Variants in LAMA2 observed in about 807,000 individuals in gnomAD.
The protein encoded by LAMA2 is laminin subunit alpha-2.
LAMA2 carries 269 observed loss-of-function variants against 364.8 expected under a neutral mutation model. That is an observed-to-expected ratio of 0.74 (90% confidence interval 0.67 to 0.82). The LOEUF (loss-of-function observed/expected upper bound fraction) is 0.82, where lower values mean the gene tolerates loss of function less well. Ranked by LOEUF, LAMA2 falls within the 40% of genes least tolerant of loss-of-function variation. LAMA2 has a pLI of 0.00. For missense variants in LAMA2, 3,807 were observed against 3,873.2 expected (o/e 0.98, Z 0.45); for synonymous variants, 1,379 against 1,370.6 (o/e 1.01, Z -0.14).
intron 17 of LAMA2, among the ~76,000 whole-genome samples, chr6:129,273,883 A>G (rs1788111014): frequency 1.3e-5 from 2 of 151,880 alleles, no homozygotes; most frequent in South Asian, 4.1e-4. Flanking sequence ...TAGAGTAAGC[A>G]ATTAATAATT....
intron 42 of LAMA2, among the ~76,000 whole-genome samples, chr6:129,439,825 C>CATATATATATATATATAT (rs5879948): frequency 1.1e-3 from 137 of 123,274 alleles, no homozygotes; most frequent in East Asian, 4.0e-3. Flanking sequence ...ATCAATTGGT[C>CATATATATATATATATAT]ATATATATAT....
chr6:128,998,641 G>A (rs1784166312), intron 1 of LAMA2, among the ~76,000 whole-genome samples: 1 of 71,580 alleles, frequency 1.4e-5, no homozygotes, highest in African/African-American at 1.0e-4. Context: ...GGTGACGGAC[G>A]CACCTGGAAA....
intron 7 of LAMA2, among the ~76,000 whole-genome samples, chr6:129,150,484 T>C (rs1432695015): frequency 6.6e-6 from 1 of 152,190 alleles, no homozygotes; most frequent in East Asian, 1.9e-4. Context: ...GATAATTGTG[T>C]AATGTTAAGT....
chr6:129,010,317 T>C (rs1784687705), intron 1 of LAMA2, among the ~76,000 whole-genome samples: 1 of 152,180 alleles, frequency 6.6e-6, no homozygotes, highest in Non-Finnish European at 1.5e-5. Context: ...CTACCAAACA[T>C]GCATGAAAAG....
intron 33 of LAMA2, 97 bp downstream of exon 33, chr6:129,366,458 C>T (rs1395665797): frequency 2.2e-6 from 3 of 1,335,720 alleles, no homozygotes; most frequent in Admixed American, 3.8e-5. Context: ...TCCCACAGCC[C>T]CAAATCAAGG....
chr6:129,181,998 T>C (rs1780960610), intron 10 of LAMA2, among the ~76,000 whole-genome samples: 1 of 151,784 alleles, frequency 6.6e-6, no homozygotes, highest in Admixed American at 6.6e-5. Flanking sequence ...TATATGTCCT[T>C]TAGTAAGAAT....
chr6:129,302,151 C>CT (rs939469508), intron 22 of LAMA2, among the ~76,000 whole-genome samples: 3 of 151,858 alleles, frequency 2.0e-5, no homozygotes, highest in African/African-American at 7.3e-5. Flanking sequence ...AATGTTTTCT[C>CT]TTTTTTTTCT....
At chr6:129,305,253 T>C (rs1773791400) in intron 22 of LAMA2, among the ~76,000 whole-genome samples, 1 of 152,166 alleles carries the variant, frequency 6.6e-6, no homozygotes, top group African/African-American at 2.4e-5. Context: ...TTCTTTTTAA[T>C]GGTGTTTGTG....
intron 1 of LAMA2, among the ~76,000 whole-genome samples, chr6:129,031,387 AGAAGCT>A (rs1786209325): frequency 6.6e-6 from 1 of 152,248 alleles, no homozygotes; most frequent in East Asian, 1.9e-4. Context: ...GAGAAATTCC[AGAAGCT>A]GGGGGTGGGG....
At chr6:129,343,283 C>G (rs1353084669) in intron 30 of LAMA2, among the ~76,000 whole-genome samples, 1 of 152,196 alleles carries the variant, frequency 6.6e-6, no homozygotes, top group South Asian at 2.1e-4. Context: ...GAGTGTTAAA[C>G]AGCCACAGAG....
In LAMA2 at chr6:129,367,200, A is replaced by C. The variant is rs955351470; in HGVS notation, c.4860+839A>C. On this transcript the variant is annotated intron_variant, in intron 33 of 64. Transcript: ENST00000421865. ...ACGAGGTAGGAGAAAACATTAAAGA[A>C]ATTGGGGTTGTTTCACCTGATGGAA... Among the ~76,000 whole-genome samples, 2 of 152,310 alleles carry C rather than the reference A, an allele frequency of 1.3e-5. 1 individual carries two copies. Among genetic ancestry groups the C allele is most frequent in the East Asian group, 3.9e-4 (2 of 5,190 alleles).
At chr6:129,011,734 T>A (rs1419437613) in intron 1 of LAMA2, among the ~76,000 whole-genome samples, 1 of 152,224 alleles carries the variant, frequency 6.6e-6, no homozygotes, top group Non-Finnish European at 1.5e-5. Flanking sequence ...TCAGGGTCAG[T>A]AGGCAAGCTT....
intron 45 of LAMA2, among the ~76,000 whole-genome samples, chr6:129,450,849 G>C (rs777880065): frequency 2.0e-5 from 3 of 152,038 alleles, no homozygotes; most frequent in African/African-American, 7.2e-5. Context: ...TTGATTTCTT[G>C]TTCACTTTGA....
At chr6:129,047,506 A>G (rs972071274) in intron 1 of LAMA2, among the ~76,000 whole-genome samples, 3 of 152,224 alleles carry the variant, frequency 2.0e-5, no homozygotes, top group African/African-American at 7.2e-5. Flanking sequence ...AGGAGGCCAG[A>G]TGAGAGTTGG....
At chr6:128,906,413 T>G (rs1777473151) in intron 1 of LAMA2, among the ~76,000 whole-genome samples, 1 of 125,016 alleles carries the variant, frequency 8.0e-6, no homozygotes, top group Non-Finnish European at 1.7e-5. Flanking sequence ...TCATGTGTTT[T>G]TTGGCTGCAT....
At chr6:128,979,217 A>G (rs1782714577) in intron 1 of LAMA2, among the ~76,000 whole-genome samples, 2 of 152,216 alleles carry the variant, frequency 1.3e-5, no homozygotes, top group South Asian at 4.1e-4. Flanking sequence ...AGATGTTTCC[A>G]TAAAGCTTTA....
chr6:128,982,444 A>T (rs1582818259), intron 1 of LAMA2, among the ~76,000 whole-genome samples: 1 of 152,180 alleles, frequency 6.6e-6, no homozygotes, highest in African/African-American at 2.4e-5. Context: ...AATTATGCCA[A>T]TATGTATAGA....
intron 13 of LAMA2, 95 bp from the exon 14 acceptor site, chr6:129,251,989 A>G: frequency 5.3e-6 from 4 of 758,756 alleles, no homozygotes; most frequent in Admixed American, 4.3e-5. Flanking sequence ...TTAAAAGTCT[A>G]TTGAGGGTGG....
chr6:129,210,150 C>CT (rs1253075106), intron 12 of LAMA2, among the ~76,000 whole-genome samples: 1 of 151,834 alleles, frequency 6.6e-6, no homozygotes, highest in Non-Finnish European at 1.5e-5. Context: ...TTTATGACTA[C>CT]TTTTTTAAAT....
Sources: gnomAD v4.1 joint callset for allele counts (sites outside exome capture counted in the v4.1 genomes callset) on GRCh38, gnomAD v4.1.1 for gene constraint, MANE v1.5 for transcripts, NCBI Gene and HGNC (gene_info 2026-07-23, HGNC 2026-07-21) for gene names.